Variants in HEATR5A observed in about 807,000 individuals in gnomAD.
The protein encoded by HEATR5A is HEAT repeat containing 5A.
A neutral mutation model predicts 218.8 loss-of-function variants in HEATR5A; 178 were observed. The ratio of observed to expected loss-of-function variants is 0.81; its 90% CI spans 0.72 to 0.92. HEATR5A has a LOEUF of 0.92. Among genes scored for constraint, HEATR5A ranks in the 40% least tolerant of loss-of-function variants. The pLI, the probability that HEATR5A is intolerant of heterozygous loss-of-function variation, is 0.00. For synonymous variants in HEATR5A, 864 were observed against 871.6 expected, an observed-to-expected ratio of 0.99 and a Z score of 0.15; for missense variants, 2,420 against 2,418.9, an observed-to-expected ratio of 1.00 and a Z score of -0.01.
intron 1 of HEATR5A, among the ~76,000 whole-genome samples, chr14:31,408,590 A>G (rs946062825): frequency 1.3e-5 from 2 of 152,046 alleles, no homozygotes; most frequent in Non-Finnish European, 2.9e-5. Flanking sequence ...GTGAAAAAAA[A>G]GGCTGGCTTG....
chr14:31,418,562 A>C (rs1453282618), intron 1 of HEATR5A, among the ~76,000 whole-genome samples: 1 of 152,260 alleles, frequency 6.6e-6, no homozygotes, highest in Non-Finnish European at 1.5e-5. Flanking sequence ...TAAGTGACAC[A>C]GGCAAGTCTT....
intron 28 of HEATR5A, among the ~76,000 whole-genome samples, chr14:31,310,606 C>A (rs927262764): frequency 5.3e-5 from 8 of 151,896 alleles, no homozygotes; most frequent in African/African-American, 1.9e-4. Flanking sequence ...AGCCACTGCC[C>A]TCCAGAATGG....
chr14:31,347,875 G>A lies in HEATR5A; in HGVS notation c.2741C>T (p.Thr914Ile), dbSNP rs1158219856. The A allele has an allele frequency of 1.9e-6, 3 of 1,559,976 alleles. No individual in the cohort carries two copies. Among genetic ancestry groups the A allele is most frequent in the African/African-American group, 1.4e-5 (1 of 73,386 alleles). ...GGACCCCAAGGCCAATGAGTGTCCT[G>A]TTCTGGTAACCACATCCCTTGCTGA... ...LKSARDVVTR[T>I]GHSLALGSLH... Residue 914 changes from threonine to isoleucine, a missense_variant, in exon 19 of 36, where the codon ACA becomes ATA. Coordinates refer to ENST00000543095, the MANE Select transcript of HEATR5A (RefSeq NM_015473.4).
intron 16 of HEATR5A, among the ~76,000 whole-genome samples, chr14:31,357,433 CGA>C (rs879489559): frequency 1.3e-5 from 2 of 151,994 alleles, no homozygotes; most frequent in Non-Finnish European, 2.9e-5. Flanking sequence ...GGTTGTTGGT[CGA>C]GAGAGAGGAA....
intron 33 of HEATR5A, 127 bp downstream of exon 33, chr14:31,302,161 AAACACAT>A (rs1276777439): frequency 3.0e-6 from 2 of 668,034 alleles, no homozygotes; most frequent in Non-Finnish European, 5.2e-6. Flanking sequence ...CATATCCTCT[AAACACAT>A]AGTATTGAAT....
intron 19 of HEATR5A, among the ~76,000 whole-genome samples, chr14:31,345,896 G>T (rs923497477): frequency 7.2e-6 from 1 of 138,532 alleles, no homozygotes; most frequent in African/African-American, 2.6e-5. Flanking sequence ...TGGCAGGTGC[G>T]CACACACATG....
chr14:31,413,570 G>C (rs912047805), intron 1 of HEATR5A, among the ~76,000 whole-genome samples: 12 of 152,116 alleles, frequency 7.9e-5, no homozygotes, highest in African/African-American at 2.4e-4. Context: ...AGTGTTCTGG[G>C]GGGTGGGAGG....
At chr14:31,391,181 A>G (rs954284163) in intron 6 of HEATR5A, among the ~76,000 whole-genome samples, 2 of 152,212 alleles carry the variant, frequency 1.3e-5, no homozygotes, top group Non-Finnish European at 2.9e-5. Flanking sequence ...TTATTTCTAG[A>G]GCAGTGGCAG....
intron 1 of HEATR5A, among the ~76,000 whole-genome samples, chr14:31,409,219 T>C (rs2031191362): frequency 6.7e-6 from 1 of 149,192 alleles, no homozygotes. Flanking sequence ...GGCTAACTTC[T>C]GTATTTTTAG....
At chr14:31,302,951 A>G (rs1005635810) in intron 32 of HEATR5A, among the ~76,000 whole-genome samples, 1 of 141,218 alleles carries the variant, frequency 7.1e-6, no homozygotes, top group Non-Finnish European at 1.5e-5. Context: ...AAAAAAAAAA[A>G]AAAAAAAAAA....
rs770769435 is a variant in HEATR5A at position 31,323,669 on chromosome 14, A to G, written c.3683T>C (p.Phe1228Ser). The G allele has an allele frequency of 3.1e-6, 5 of 1,613,652 alleles. No homozygotes were observed. The East Asian group carries it at 1.1e-4, about 36-fold the overall frequency. Residue 1228 changes from phenylalanine (F) to serine (S), a missense_variant, in exon 24 of 36, where the codon TTT becomes TCT. Transcript: ENST00000543095. Reference sequence around the variant, plus strand: ...TATCCTACAGACACATTCAGCAGCAAAGACTCTAGTAGCCCATCGGGGATT... The same window carrying G: ...TATCCTACAGACACATTCAGCAGCAGAGACTCTAGTAGCCCATCGGGGATT... ...FTNPRWATRV[F>S]AAECVCRIIN...
rs762068620 is a variant in HEATR5A, at chr14:31,358,821, GA to G, written c.2236-10del. Reference sequence around the variant, plus strand: ...CCATTACCAAGCAGGAGCTAAAAGGGAAAAAAAGTATATAAGGTTTTAAAAT... The same window carrying G: ...CCATTACCAAGCAGGAGCTAAAAGGGAAAAAAGTATATAAGGTTTTAAAAT... On this transcript the variant is annotated splice_polypyrimidine_tract_variant and intron_variant, in intron 15 of 35. Transcript: ENST00000543095. The G allele has an allele frequency of 2.5e-6, 4 of 1,605,698 alleles. No individual in the cohort carries two copies. The highest frequency in any genetic ancestry group is 1.3e-5 in the African/African-American group (1 of 74,240).
rs75518927 is a variant in HEATR5A at position 31,399,146 on chromosome 14, T to C, written c.339-365A>G. ...GAGTCCAAATTCATTCTTTTGCATGTGGACATACAGTTATACTGGCATCAT... is the reference window on the plus strand; with the variant it reads ...GAGTCCAAATTCATTCTTTTGCATGCGGACATACAGTTATACTGGCATCAT... On this transcript the variant is annotated intron_variant, in intron 3 of 35. Transcript: ENST00000543095. Among the ~76,000 whole-genome samples the C allele has an allele frequency of 3.5e-3, 535 of 152,366 alleles. 5 individuals carry two copies. Among genetic ancestry groups the C allele is most frequent in the African/African-American group, 0.012 (505 of 41,590 alleles).
chr14:31,405,910 G>A (rs1336196198), intron 1 of HEATR5A, among the ~76,000 whole-genome samples: 1 of 152,156 alleles, frequency 6.6e-6, no homozygotes, highest in Non-Finnish European at 1.5e-5. Context: ...GAGATCATAA[G>A]CAGGTCATAA....
intron 24 of HEATR5A, among the ~76,000 whole-genome samples, 197 bp from the exon 25 acceptor site, chr14:31,321,877 G>A (rs1287661095): frequency 6.6e-6 from 1 of 152,120 alleles, no homozygotes; most frequent in African/African-American, 2.4e-5. Context: ...CAAGAAAACT[G>A]TCCCAAAGCT....
At chr14:31,398,619 T>G (rs969964457) in intron 4 of HEATR5A, 54 bp downstream of exon 4, 1 of 951,336 alleles carries the variant, frequency 1.1e-6, no homozygotes. Context: ...CAGGAAAGCA[T>G]AAACCAATAA....
At chr14:31,326,814 T>C (rs531744807) in intron 22 of HEATR5A, among the ~76,000 whole-genome samples, 8 of 151,832 alleles carry the variant, frequency 5.3e-5, no homozygotes, top group Non-Finnish European at 8.8e-5. Context: ...AGCTAATTTT[T>C]TTTTATTTTT....
intron 22 of HEATR5A, among the ~76,000 whole-genome samples, chr14:31,326,881 G>GC (rs1442443761): frequency 2.6e-5 from 4 of 152,004 alleles, no homozygotes; most frequent in African/African-American, 9.7e-5. Flanking sequence ...CTGACCTGAG[G>GC]CGATCCACCC....
chr14:31,371,473 A>G, intron 13 of HEATR5A: 1 of 164,124 alleles, frequency 6.1e-6, no homozygotes, highest in East Asian at 1.7e-4. Flanking sequence ...AAATATAAAC[A>G]AACAAAAAAC....
Sources: allele counts gnomAD v4.1 joint callset (sites outside exome capture counted in the v4.1 genomes callset), GRCh38; gene constraint gnomAD v4.1.1; transcripts MANE v1.5; gene names NCBI Gene and HGNC (gene_info 2026-07-23, HGNC 2026-07-21).